The following TATDN2 variants were observed in gnomAD, a reference collection of about 807,000 sequenced individuals.
The protein encoded by TATDN2 is 3'-5' RNA nuclease TATDN2.
In TATDN2, 44 loss-of-function variants were observed where a neutral mutation model predicts 60.3. The ratio of observed to expected loss-of-function variants is 0.73; its 90% CI spans 0.57 to 0.94. The LOEUF (loss-of-function observed/expected upper bound fraction) is 0.94. Among genes scored for constraint, TATDN2 ranks in the 40% least tolerant of loss-of-function variants. TATDN2 has a pLI of 0.00. For synonymous variants in TATDN2, 399 were observed against 355.8 expected, an observed-to-expected ratio of 1.12 and a Z score of -1.37; for missense variants, 997 against 948.0, an observed-to-expected ratio of 1.05 and a Z score of -0.68.
intron 4 of TATDN2, among the ~76,000 whole-genome samples, chr3:10,273,581 C>T (rs1050310259): frequency 7.1e-6 from 1 of 140,528 alleles, no homozygotes; most frequent in Non-Finnish European, 1.5e-5. Context: ...CATAGTGAGA[C>T]CCCATCTTTA....
At position 10,270,391 on chromosome 3, in the gene TATDN2, C is replaced by T. The variant is rs143575255; in HGVS notation, c.1209C>T (p.Asn403=). ...SSYPSTGSSS[N]DAAQVGKSSR... ...ACCCCTCCACAGGCAGCAGCAGCAA[C>T]GATGCAGCCCAGGTTGGGAAGAGCA... Residue 403 remains asparagine (N), a synonymous_variant, in exon 4 of 8, where the codon AAC becomes AAT. Coordinates refer to ENST00000448281, the MANE Select transcript of TATDN2 (RefSeq NM_014760.4). 345 of 1,614,176 alleles carry T rather than the reference C, an allele frequency of 2.1e-4. No homozygotes were observed. The highest frequency in any genetic ancestry group is 2.0e-3 in the Middle Eastern group (12 of 6,062).
At chr3:10,261,027 C>T (rs957346068) in intron 3 of TATDN2, among the ~76,000 whole-genome samples, 2 of 152,176 alleles carry the variant, frequency 1.3e-5, no homozygotes, top group African/African-American at 4.8e-5. Flanking sequence ...TCTCTATCAC[C>T]CCTCAACACA....
At chr3:10,259,632 G>C (rs1698370504) in intron 2 of TATDN2, among the ~76,000 whole-genome samples, 2 of 152,190 alleles carry the variant, frequency 1.3e-5, no homozygotes, top group South Asian at 4.1e-4. Flanking sequence ...TTATTTGAGG[G>C]GAAGTGTTTG....
At chr3:10,262,695 C>G (rs1698424403) in intron 3 of TATDN2, among the ~76,000 whole-genome samples, 1 of 151,770 alleles carries the variant, frequency 6.6e-6, no homozygotes, top group Non-Finnish European at 1.5e-5. Flanking sequence ...GCCACCACAC[C>G]TGGCTAATTT....
chr3:10,265,831 G>A (rs1698469036), intron 3 of TATDN2, among the ~76,000 whole-genome samples: 1 of 152,052 alleles, frequency 6.6e-6, no homozygotes, highest in Non-Finnish European at 1.5e-5. Flanking sequence ...TGGGGAAAGG[G>A]CAGGCCATCT....
Position 10,279,307 on chromosome 3 carries a change from G to GAA in TATDN2, c.*128_*129dup. 4.5e-6 allele frequency: 1 copy of GAA among 220,370 alleles called. No individual in the cohort carries two copies. Among genetic ancestry groups the GAA allele is most frequent in the South Asian group, 4.9e-5 (1 of 20,314 alleles). The allele number at this position is 220,370 out of a possible 1,614,324, so 13.7% of individuals were successfully genotyped here. On this transcript the variant is annotated 3_prime_UTR_variant, in exon 8 of 8. Coordinates refer to ENST00000448281, the MANE Select transcript of TATDN2 (RefSeq NM_014760.4). ...TGTTTAGAGAGCTGATTGGAACACAGAAAACCAGGACAGGATGTTTTCCTC... is the reference window on the plus strand; with the variant it reads ...TGTTTAGAGAGCTGATTGGAACACAGAAAAAACCAGGACAGGATGTTTTCCTC...
intron 2 of TATDN2, among the ~76,000 whole-genome samples, chr3:10,252,017 G>A (rs544539314): frequency 1.7e-3 from 262 of 151,676 alleles, no homozygotes; most frequent in African/African-American, 5.8e-3. Flanking sequence ...GCATGGTGGC[G>A]GGTGCCTGTA....
At position 10,278,010 on chromosome 3, in the gene TATDN2, G is replaced by A. The variant is rs950708941; in HGVS notation, c.1962-269G>A. Among the ~76,000 whole-genome samples, 5 of 152,092 alleles carry A rather than the reference G, an allele frequency of 3.3e-5. No homozygotes were observed. Among genetic ancestry groups the A allele is most frequent in the South Asian group, 4.2e-4 (2 of 4,816 alleles). On this transcript the variant is annotated intron_variant, in intron 5 of 7. Transcript: ENST00000448281. The surrounding 1 kb of genome is among the most constrained non-coding windows in gnomAD (Gnocchi z 4.7). ...TGTTAGAAGCATTTCCTATCCCAGT[G>A]TGTTCTCTGTGGTGGTCATCTCAGG...
chr3:10,279,209 TC>T lies in TATDN2; in HGVS notation c.*39-10del, dbSNP rs944716906. On this transcript the variant is annotated splice_polypyrimidine_tract_variant and intron_variant, in intron 7 of 7. Transcript: ENST00000448281. ...GTTTGGAACCTTCTTCTTTTTCTCT[TC>T]CACCCTCCAGGGCGACCAGCAGCCT... 4.9e-6 allele frequency: 4 copies of T among 815,978 alleles called. No individual in the cohort carries two copies. The highest frequency in any genetic ancestry group is 2.5e-4 in the Middle Eastern group (1 of 3,962). The allele number at this position is 815,978 out of a possible 1,614,324, so 50.5% of individuals were successfully genotyped here.
At position 10,276,729 on chromosome 3, in the gene TATDN2, C is replaced by T. The variant is rs960868319; in HGVS notation, c.1961+241C>T. ...TCAGCCTCCTGAGTAGCTGGGATTA[C>T]CGGCACATGCCACCACGCCCAGCTA... is the stretch of plus-strand genomic sequence containing the variant. On this transcript the variant is annotated intron_variant, in intron 5 of 7. Coordinates refer to ENST00000448281, the MANE Select transcript of TATDN2 (RefSeq NM_014760.4). 2.0e-5 allele frequency among the ~76,000 whole-genome samples: 3 copies of T among 152,240 alleles called. No homozygotes were observed. In the South Asian group the frequency reaches 6.2e-4, roughly 32 times the overall value.
At chr3:10,253,020 C>G (rs1326481234) in intron 2 of TATDN2, among the ~76,000 whole-genome samples, 1 of 152,056 alleles carries the variant, frequency 6.6e-6, no homozygotes, top group African/African-American at 2.4e-5. Flanking sequence ...CCATGTCCGG[C>G]TAATTTTTTT....
chr3:10,278,395 C>A lies in TATDN2; in HGVS notation c.2078C>A (p.Ala693Asp). 1 of 1,614,186 alleles carries A rather than the reference C, an allele frequency of 6.2e-7. No homozygotes were observed. Among genetic ancestry groups the A allele is most frequent in the South Asian group, 1.1e-5 (1 of 91,086 alleles). The part of the protein sequence containing the change: ...TYSSAWEARE[A>D]LRQIPLERII... The stretch of plus-strand genomic sequence containing the variant: ...TCCTCTGCCTGGGAGGCCCGGGAAG[C>A]CTTGAGGCAGATCCCACTGGAGAGA... Residue 693 changes from alanine (A) to aspartate (D), a missense_variant, in exon 6 of 8, where the codon GCC (alanine) becomes GAC (aspartate). Ala to Asp is a moderately radical substitution (Grantham distance 126). Transcript: ENST00000448281. The surrounding 1 kb of genome is among the most constrained non-coding windows in gnomAD (Gnocchi z 4.7).
Position 10,278,366 on chromosome 3 carries a change from A to G in TATDN2, c.2049A>G (p.Thr683=), listed in dbSNP as rs970915537. The part of the protein sequence containing the change: ...NMSVGFTAVL[T]YSSAWEAREA... The stretch of plus-strand genomic sequence containing the variant: ...CTGTGGGCTTCACGGCAGTGCTGAC[A>G]TACTCCTCTGCCTGGGAGGCCCGGG... Residue 683 remains threonine (T), a synonymous_variant, in exon 6 of 8, where the codon ACA becomes ACG. Transcript: ENST00000448281. This position sits in a 1 kb window ranked among gnomAD's most constrained non-coding sequence, Gnocchi z 4.7. 3.1e-6 allele frequency: 5 copies of G among 1,614,182 alleles called. No individual in the cohort carries two copies. The highest frequency in any genetic ancestry group is 4.2e-6 in the Non-Finnish European group (5 of 1,180,016).
Position 10,270,255 on chromosome 3 carries a change from C to G in TATDN2, c.1073C>G (p.Pro358Arg), listed in dbSNP as rs2075352. ...GTCTCCCTGAAACCTTCAGCCGTTC[C>G]GGAGCCTTCTTCCTTCACCACCGAC... ...EPVSLKPSAV[P>R]EPSSFTTDYV... The change falls in exon 4 of 8, where the codon CCG becomes CGG. Residue 358 changes from proline to arginine, a missense_variant. Transcript: ENST00000448281. The G allele has an allele frequency of 6.2e-7, 1 of 1,613,964 alleles. No homozygotes were observed. Among genetic ancestry groups the G allele is most frequent in the Non-Finnish European group, 8.5e-7 (1 of 1,180,016 alleles).
At position 10,276,462 on chromosome 3, in the gene TATDN2, T is replaced by A; in HGVS notation, c.1935T>A (p.Phe645Leu). ...ATCTGCTAGAAATCATGAAAAAGTT[T>A]GTGCCCCCTGACTACAAGATCCATA... ...DEDLLEIMKK[F>L]VPPDYKIHRH... The change falls in exon 5 of 8, where the codon TTT becomes TTA. Residue 645 changes from phenylalanine to leucine, a missense_variant. Phe to Leu is a conservative substitution (Grantham distance 22). Coordinates refer to ENST00000448281, the MANE Select transcript of TATDN2 (RefSeq NM_014760.4). The A allele has an allele frequency of 1.9e-6, 3 of 1,614,154 alleles. No individual in the cohort carries two copies. Among genetic ancestry groups the A allele is most frequent in the Non-Finnish European group, 2.5e-6 (3 of 1,180,014 alleles).
intron 4 of TATDN2, among the ~76,000 whole-genome samples, chr3:10,273,978 A>G (rs1165856817): frequency 6.6e-6 from 1 of 152,208 alleles, no homozygotes; most frequent in Admixed American, 6.5e-5. Context: ...ATTAATTATT[A>G]AAGTAATAAA....
At chr3:10,251,473 C>A (rs531751892) in intron 2 of TATDN2, among the ~76,000 whole-genome samples, 1 of 152,096 alleles carries the variant, frequency 6.6e-6, no homozygotes, top group Non-Finnish European at 1.5e-5. Context: ...GCAGCCTCCA[C>A]CTCCTGGGTT....
intron 3 of TATDN2, among the ~76,000 whole-genome samples, chr3:10,263,769 A>C (rs1213360480): frequency 6.6e-6 from 1 of 151,956 alleles, no homozygotes; most frequent in East Asian, 1.9e-4. Context: ...ATGTCTGGTA[A>C]TCTTTGGTTG....
chr3:10,273,728 C>T lies in TATDN2; in HGVS notation c.1834-2633C>T, dbSNP rs981290749. On this transcript the variant is annotated intron_variant, in intron 4 of 7. Coordinates refer to ENST00000448281, the MANE Select transcript of TATDN2 (RefSeq NM_014760.4). ...GGAAGGATTGGAAAATAGAGAAAAG[C>T]AAAACAATTGGGGAAAGAATGGGTA... Among the ~76,000 whole-genome samples, 26 of 152,234 alleles carry T rather than the reference C, an allele frequency of 1.7e-4. 1 individual carries two copies. The highest frequency in any genetic ancestry group is 5.8e-4 in the African/African-American group (24 of 41,526).
Sources: gnomAD v4.1 joint callset for allele counts (sites outside exome capture counted in the v4.1 genomes callset) on GRCh38, gnomAD v4.1.1 for gene constraint, Gnocchi (gnomAD v3.1) non-coding constraint, MANE v1.5 for transcripts, NCBI Gene and HGNC (gene_info 2026-07-23, HGNC 2026-07-21) for gene names.